Variants in TIAM1 observed in about 807,000 individuals in gnomAD.
TIAM1 encodes TIAM Rac1 associated GEF 1, also known as rho guanine nucleotide exchange factor TIAM1.
TIAM1 carries 65 observed loss-of-function variants against 163.5 expected under a neutral mutation model. That is an observed-to-expected ratio of 0.40 (90% CI 0.33 to 0.49). The LOEUF (loss-of-function observed/expected upper bound fraction) is 0.49, where lower values mean the gene tolerates loss of function less well. Among genes scored for constraint, TIAM1 ranks in the 20% least tolerant of loss-of-function variants. The probability of loss-of-function intolerance (pLI) is 0.77; values close to 1 mark genes in which losing one functional copy is unlikely to be tolerated. For missense variants in TIAM1, 1,789 were observed against 2,044.7 expected (o/e 0.87, Z 2.41); for synonymous variants, 833 against 810.1 (o/e 1.03, Z -0.48).
chr21:31,339,639 G>A (rs13047581), intron 1 of TIAM1, among the ~76,000 whole-genome samples: 1 of 152,158 alleles, frequency 6.6e-6, no homozygotes, highest in African/African-American at 2.4e-5. Context: ...TAGCTTTGTA[G>A]AAAGCACCTT....
intron 14 of TIAM1, among the ~76,000 whole-genome samples, chr21:31,186,211 C>T (rs2085295563): frequency 6.6e-6 from 1 of 152,162 alleles, no homozygotes; most frequent in African/African-American, 2.4e-5. Context: ...CGGGGAAGCG[C>T]TCTCTAAAGA....
chr21:31,323,212 C>T (rs530038670), intron 2 of TIAM1, among the ~76,000 whole-genome samples: 2 of 151,356 alleles, frequency 1.3e-5, no homozygotes, highest in Admixed American at 6.6e-5. Context: ...TGCTTGAACC[C>T]GGGAGGCGGA....
intron 1 of TIAM1, among the ~76,000 whole-genome samples, chr21:31,482,892 T>C (rs1179058634): frequency 1.3e-5 from 2 of 152,094 alleles, no homozygotes; most frequent in Non-Finnish European, 2.9e-5. Flanking sequence ...ATTTACTGAG[T>C]AGCTACTGTG....
At chr21:31,382,346 G>C (rs927522518) in intron 2 of TIAM1, among the ~76,000 whole-genome samples, 3 of 152,176 alleles carry the variant, frequency 2.0e-5, no homozygotes, top group African/African-American at 7.2e-5. Flanking sequence ...GCCGTGTCTA[G>C]AACATAAGGG....
intron 2 of TIAM1, among the ~76,000 whole-genome samples, chr21:31,425,655 TTCTTTCTCTCTCTCTTTCTTTC>T (rs375780111): frequency 7.3e-6 from 1 of 136,314 alleles, no homozygotes; most frequent in African/African-American, 2.8e-5. Context: ...CCCTCTTTCT[TTCTTTCTCTCTCTCTTTCTTTC>T]TCTCTCTCTC....
At chr21:31,482,468 T>C (rs1325225459) in intron 1 of TIAM1, among the ~76,000 whole-genome samples, 2 of 152,104 alleles carry the variant, frequency 1.3e-5, no homozygotes, top group Non-Finnish European at 2.9e-5. Flanking sequence ...TAACCAGAAA[T>C]TCTGCCTTGC....
chr21:31,355,799 G>A (rs559506080), intron 2 of TIAM1, among the ~76,000 whole-genome samples: 81 of 146,990 alleles, frequency 5.5e-4, no homozygotes, highest in African/African-American at 2.0e-3. Flanking sequence ...TGATCTGCCC[G>A]CCTCGGCTTC....
chr21:31,240,116 C>G (rs1039051619), intron 6 of TIAM1, among the ~76,000 whole-genome samples: 6 of 152,076 alleles, frequency 3.9e-5, no homozygotes, highest in African/African-American at 1.2e-4. Context: ...TCCCAGTTGG[C>G]CTGGGACTGT....
intron 2 of TIAM1, among the ~76,000 whole-genome samples, chr21:31,307,251 T>G (rs1486723548): frequency 6.6e-6 from 1 of 152,112 alleles, no homozygotes; most frequent in Admixed American, 6.5e-5. Context: ...GCCACATGGG[T>G]TAATGTGCTC....
chr21:31,210,592 A>AAG (rs368451168), intron 10 of TIAM1, among the ~76,000 whole-genome samples: 943 of 88,726 alleles, frequency 0.011, 51 homozygotes, highest in East Asian at 0.068. Flanking sequence ...GAAAGAAAGA[A>AAG]AGAGAGAAAG....
intron 2 of TIAM1, among the ~76,000 whole-genome samples, chr21:31,394,728 T>TCTCTCTCTCTCTCTCTCACACA: frequency 1.0e-5 from 1 of 95,726 alleles, no homozygotes; most frequent in South Asian, 4.1e-4. Context: ...TCTCTCTCTC[T>TCTCTCTCTCTCTCTCTCACACA]CACACACACA....
intron 2 of TIAM1, among the ~76,000 whole-genome samples, chr21:31,337,175 A>G (rs1371600405): frequency 6.6e-6 from 1 of 152,172 alleles, no homozygotes; most frequent in African/African-American, 2.4e-5. Flanking sequence ...GTGTTTTCAG[A>G]GAAAACCAGA....
At chr21:31,494,541 G>C (rs1456805873) in intron 1 of TIAM1, among the ~76,000 whole-genome samples, 1 of 152,174 alleles carries the variant, frequency 6.6e-6, no homozygotes, top group Non-Finnish European at 1.5e-5. Flanking sequence ...GGAAAAGTCA[G>C]CGTAGAAGAC....
chr21:31,522,783 A>G (rs1449114313), intron 1 of TIAM1, among the ~76,000 whole-genome samples: 3 of 152,216 alleles, frequency 2.0e-5, no homozygotes, highest in African/African-American at 7.2e-5. Context: ...TAACATATCA[A>G]GAATTGGAAA....
chr21:31,484,617 TAA>T (rs1429240555), intron 1 of TIAM1, among the ~76,000 whole-genome samples: 1 of 152,158 alleles, frequency 6.6e-6, no homozygotes, highest in African/African-American at 2.4e-5. Context: ...GCCCAGCTAT[TAA>T]AGCAGGCCCC....
intron 2 of TIAM1, among the ~76,000 whole-genome samples, chr21:31,386,658 T>C (rs2076877256): frequency 6.6e-6 from 1 of 152,074 alleles, no homozygotes. Context: ...AAAGACATCC[T>C]TGTGCCTGTG....
At chr21:31,292,967 G>T (rs1255113731) in intron 2 of TIAM1, among the ~76,000 whole-genome samples, 1 of 152,142 alleles carries the variant, frequency 6.6e-6, no homozygotes, top group Non-Finnish European at 1.5e-5. Flanking sequence ...GGGATTACAG[G>T]CGCCCGCCAC....
intron 19 of TIAM1, 111 bp downstream of exon 19, chr21:31,152,525 C>G (rs1483089685): frequency 1.4e-6 from 2 of 1,454,378 alleles, no homozygotes; most frequent in South Asian, 1.3e-5. Flanking sequence ...CTCAGACACC[C>G]TTAGGAACAG....
intron 3 of TIAM1, among the ~76,000 whole-genome samples, chr21:31,271,703 A>ACCTCTCCCCAT (rs2073065429): frequency 1.0e-5 from 1 of 96,342 alleles, no homozygotes. Flanking sequence ...TTGAGAGGGC[A>ACCTCTCCCCAT]AGTGTAGAAC....
Sources: allele counts gnomAD v4.1 joint callset (sites outside exome capture counted in the v4.1 genomes callset), GRCh38; gene constraint gnomAD v4.1.1; transcripts MANE v1.5; gene names NCBI Gene and HGNC (gene_info 2026-07-23, HGNC 2026-07-21).